EZH2: variants seen among roughly 807,000 people sequenced by gnomAD.
EZH2 encodes the protein enhancer of zeste 2 polycomb repressive complex 2 subunit, also known as histone-lysine N-methyltransferase EZH2.
In EZH2, 18 loss-of-function variants were observed where a neutral mutation model predicts 98.4. The observed-to-expected ratio is 0.18, with a 90% CI of 0.13 to 0.27. The LOEUF (loss-of-function observed/expected upper bound fraction) is 0.27, where lower values mean the gene tolerates loss of function less well. EZH2 is among the 10% of genes least tolerant of loss of function. EZH2 has a pLI of 1.00. For synonymous variants in EZH2, 338 were observed against 312.3 expected, an observed-to-expected ratio of 1.08 and a Z score of -0.87; for missense variants, 470 against 935.1, an observed-to-expected ratio of 0.50 and a Z score of 6.49.
At chr7:148,830,754 T>G (rs2300150) in intron 4 of EZH2, among the ~76,000 whole-genome samples, 25,193 of 152,118 alleles carry the variant, frequency 0.17, 2,223 homozygotes, top group East Asian at 0.26. Flanking sequence ...CAAACAAAAG[T>G]TAAGACAGAA....
At chr7:148,873,556 C>CCTT (rs1819751149) in intron 1 of EZH2, among the ~76,000 whole-genome samples, 1 of 103,626 alleles carries the variant, frequency 9.7e-6, no homozygotes, top group African/African-American at 3.9e-5. Context: ...TCATGCTCTT[C>CCTT]ATTTTTTTTT....
Position 148,871,423 on chromosome 7 carries a change from A to G in EZH2, c.-8+12741T>C, listed in dbSNP as rs28602309. ...ATAATTAAAAAAAAAAAAAAAAAAAAAAGAAGAGGAAGAATAAGACTGGTT... is the reference window on the plus strand; with the variant it reads ...ATAATTAAAAAAAAAAAAAAAAAAAGAAGAAGAGGAAGAATAAGACTGGTT... On this transcript the variant is annotated intron_variant, in intron 1 of 19. Transcript: ENST00000320356. 8.1e-3 allele frequency among the ~76,000 whole-genome samples: 1,216 copies of G among 149,914 alleles called. 21 individuals carry two copies. The highest frequency in any genetic ancestry group is 0.026 in the African/African-American group (1,073 of 40,602).
At chr7:148,817,712 G>T in intron 10 of EZH2, 165 bp downstream of exon 10, 1 of 964,748 alleles carries the variant, frequency 1.0e-6, no homozygotes, top group Non-Finnish European at 1.6e-6. Context: ...GGGTACGGGT[G>T]CAGGCAGGAA....
intron 1 of EZH2, among the ~76,000 whole-genome samples, chr7:148,866,678 G>A (rs184956263): frequency 0.011 from 1,546 of 144,690 alleles, 25 homozygotes; most frequent in African/African-American, 0.037. Context: ...ATATATGTAC[G>A]TATATGCATA....
intron 8 of EZH2, among the ~76,000 whole-genome samples, chr7:148,823,083 C>CA (rs934445756): frequency 7.2e-5 from 11 of 152,168 alleles, no homozygotes; most frequent in Admixed American, 6.5e-4. Context: ...CAAAGAAAAA[C>CA]AAGAATTTAA....
At chr7:148,852,095 C>T (rs1023919165) in intron 1 of EZH2, among the ~76,000 whole-genome samples, 4 of 152,118 alleles carry the variant, frequency 2.6e-5, no homozygotes, top group African/African-American at 9.7e-5. Flanking sequence ...TTCATTAAAA[C>T]AAAAGTCTAC....
chr7:148,819,717 T>A (rs764948019), intron 8 of EZH2, 30 bp from the exon 9 acceptor site: 18 of 1,581,198 alleles, frequency 1.1e-5, no homozygotes, highest in African/African-American at 1.3e-5. Flanking sequence ...AAGAATCTAA[T>A]ATAACTATAA....
intron 8 of EZH2, among the ~76,000 whole-genome samples, chr7:148,824,684 T>G (rs1807176642): frequency 6.6e-6 from 1 of 152,242 alleles, no homozygotes; most frequent in African/African-American, 2.4e-5. Context: ...ATGATTTATT[T>G]AGTAACTTAT....
intron 3 of EZH2, among the ~76,000 whole-genome samples, chr7:148,839,107 A>AGGAAGGAAGGAAGGAAAGTG (rs1307399209): frequency 6.7e-6 from 1 of 150,064 alleles, no homozygotes; most frequent in African/African-American, 2.5e-5. Context: ...GAAGGAAGGA[A>AGGAAGGAAGGAAGGAAAGTG]AGTGAGTGAG....
At chr7:148,847,540 C>T (rs1224068591) in intron 1 of EZH2, among the ~76,000 whole-genome samples, 2 of 152,126 alleles carry the variant, frequency 1.3e-5, no homozygotes, top group Non-Finnish European at 2.9e-5. Flanking sequence ...CACTAAATTG[C>T]GGCCATATTA....
chr7:148,844,218 G>C (rs1347204125), intron 3 of EZH2, among the ~76,000 whole-genome samples: 1 of 152,142 alleles, frequency 6.6e-6, no homozygotes, highest in Non-Finnish European at 1.5e-5. Context: ...GAAATAATAT[G>C]TAGATGGAAA....
At chr7:148,861,924 T>C (rs1184078680) in intron 1 of EZH2, among the ~76,000 whole-genome samples, 4 of 152,214 alleles carry the variant, frequency 2.6e-5, no homozygotes, top group African/African-American at 9.7e-5. Flanking sequence ...TGTTCCAATA[T>C]GTTGTTTTGG....
chr7:148,872,879 A>G (rs1819617158), intron 1 of EZH2, among the ~76,000 whole-genome samples: 1 of 151,822 alleles, frequency 6.6e-6, no homozygotes, highest in African/African-American at 2.4e-5. Flanking sequence ...TTGATATACT[A>G]TGTATGAATT....
chr7:148,875,346 T>C (rs1478229349), intron 1 of EZH2, among the ~76,000 whole-genome samples: 1 of 152,106 alleles, frequency 6.6e-6, no homozygotes, highest in African/African-American at 2.4e-5. Flanking sequence ...AAATGAACAA[T>C]AAAATATTTG....
chr7:148,858,107 A>C (rs1256187545), intron 1 of EZH2, among the ~76,000 whole-genome samples: 1 of 152,008 alleles, frequency 6.6e-6, no homozygotes, highest in Non-Finnish European at 1.5e-5. Flanking sequence ...TCTTGCTAAC[A>C]AGGTGAAACC....
chr7:148,817,698 G>A (rs1021863709), intron 10 of EZH2, 179 bp downstream of exon 10: 2 of 851,552 alleles, frequency 2.3e-6, no homozygotes, highest in East Asian at 2.5e-5. Context: ...AACACCACAA[G>A]CTAGGGTACG....
At chr7:148,824,160 C>T (rs1397592856) in intron 8 of EZH2, among the ~76,000 whole-genome samples, 2 of 151,982 alleles carry the variant, frequency 1.3e-5, no homozygotes, top group Admixed American at 6.6e-5. Context: ...ACTAAAAATA[C>T]AAAAATTAGC....
At chr7:148,874,009 G>A (rs1201986328) in intron 1 of EZH2, among the ~76,000 whole-genome samples, 4 of 152,146 alleles carry the variant, frequency 2.6e-5, no homozygotes, top group African/African-American at 9.7e-5. Flanking sequence ...TCCAGAAAGA[G>A]GACAGGCACA....
chr7:148,848,476 T>C (rs1814792362), intron 1 of EZH2, among the ~76,000 whole-genome samples: 1 of 152,192 alleles, frequency 6.6e-6, no homozygotes, highest in South Asian at 2.1e-4. Flanking sequence ...GCTTCATCTA[T>C]TTGTTTACAT....
Sources: gnomAD v4.1 joint callset for allele counts (sites outside exome capture counted in the v4.1 genomes callset) on GRCh38, gnomAD v4.1.1 for gene constraint, MANE v1.5 for transcripts, NCBI Gene and HGNC (gene_info 2026-07-23, HGNC 2026-07-21) for gene names.